PCDH15: variants seen among roughly 807,000 people sequenced by gnomAD.
PCDH15 encodes the protein protocadherin related 15, also known as protocadherin-15.
In PCDH15, 129 loss-of-function variants were observed where a neutral mutation model predicts 178.5. The observed-to-expected ratio is 0.72, with a 90% CI of 0.63 to 0.84. The LOEUF (loss-of-function observed/expected upper bound fraction) is 0.84. Among genes scored for constraint, PCDH15 ranks in the 40% least tolerant of loss-of-function variants. The pLI is 0.00. For synonymous variants in PCDH15, 800 were observed against 732.0 expected, an observed-to-expected ratio of 1.09 and a Z score of -1.50; for missense variants, 2,230 against 2,099.9, an observed-to-expected ratio of 1.06 and a Z score of -1.21.
At chr10:54,643,957 A>C (rs2094058591) in intron 2 of PCDH15, among the ~76,000 whole-genome samples, 1 of 120,278 alleles carries the variant, frequency 8.3e-6, no homozygotes, top group African/African-American at 3.1e-5. Flanking sequence ...TCCTAATGCT[A>C]ACCCTCCCCC....
chr10:55,159,637 T>A (rs1839006620), intron 2 of PCDH15, among the ~76,000 whole-genome samples: 1 of 147,820 alleles, frequency 6.8e-6, no homozygotes. Context: ...CTTAAAGAGA[T>A]ATATATAAAG....
In PCDH15 at chr10:55,527,374, A is replaced by T. The variant is rs545710082; in HGVS notation, c.-156+100251T>A. The stretch of plus-strand genomic sequence containing the variant: ...TGGTGGGTCACTGGTGATCTTGTAG[A>T]TTGAGCTTCATCTTCATATAGCATT... On this transcript the variant is annotated intron_variant, in intron 2 of 5. Transcript: ENST00000613346. Among the ~76,000 whole-genome samples, 9 of 152,114 alleles carry T rather than the reference A, an allele frequency of 5.9e-5. No homozygotes were observed. In the East Asian group the frequency reaches 9.7e-4, roughly 16 times the overall value.
chr10:55,473,124 G>A (rs1463297925), intron 2 of PCDH15, among the ~76,000 whole-genome samples: 7 of 152,094 alleles, frequency 4.6e-5, no homozygotes, highest in Non-Finnish European at 7.4e-5. Context: ...AAACTTAACA[G>A]TTGAGGACTG....
At chr10:54,711,879 A>C (rs2095431038) in intron 1 of PCDH15, among the ~76,000 whole-genome samples, 2 of 152,066 alleles carry the variant, frequency 1.3e-5, no homozygotes. Flanking sequence ...ACCATTTTGC[A>C]ATGTATAATA....
At chr10:54,152,720 G>A (rs920283122) in intron 14 of PCDH15, among the ~76,000 whole-genome samples, 1 of 151,880 alleles carries the variant, frequency 6.6e-6, no homozygotes, top group Non-Finnish European at 1.5e-5. Flanking sequence ...GTGCGAGTCT[G>A]TGTGTGTATA....
intron 3 of PCDH15, among the ~76,000 whole-genome samples, chr10:54,856,983 C>A (rs951149412): frequency 6.6e-6 from 1 of 151,936 alleles, no homozygotes; most frequent in South Asian, 2.1e-4. Context: ...TGAATATTTC[C>A]TTCTTATCCT....
At chr10:55,297,657 T>C (rs1263447360) in intron 1 of PCDH15, among the ~76,000 whole-genome samples, 2 of 152,090 alleles carry the variant, frequency 1.3e-5, no homozygotes, top group African/African-American at 2.4e-5. Context: ...TTAATTCATA[T>C]GTATGAATGA....
Position 54,153,091 on chromosome 10 carries a change from A to G in PCDH15, c.1784+9T>C, listed in dbSNP as rs2044704583. 6.2e-7 allele frequency: 1 copy of G among 1,613,664 alleles called. No individual in the cohort carries two copies. Among genetic ancestry groups the G allele is most frequent in the Non-Finnish European group, 8.5e-7 (1 of 1,179,746 alleles). ...ATGAAAAGACTGCATTGGTTCTAAT[A>G]TAAATTACCTTCGCTCTGCAGGAGG... On this transcript the variant is annotated intron_variant, in intron 14 of 37. Coordinates refer to ENST00000644397, the MANE Select transcript of PCDH15 (RefSeq NM_001384140.1).
chr10:54,815,833 C>T (rs139700588), intron 3 of PCDH15, among the ~76,000 whole-genome samples: 134 of 152,186 alleles, frequency 8.8e-4, no homozygotes, highest in African/African-American at 2.4e-3. Flanking sequence ...CAGTACACTA[C>T]TCTAAATGTA....
intron 2 of PCDH15, among the ~76,000 whole-genome samples, chr10:55,080,986 T>A (rs1591887403): frequency 6.6e-6 from 1 of 152,146 alleles, no homozygotes; most frequent in East Asian, 1.9e-4. Flanking sequence ...GTGCTGCTGC[T>A]GCTGGGGGTG....
chr10:54,809,186 TG>T (rs761457791), intron 3 of PCDH15, among the ~76,000 whole-genome samples: 7 of 152,170 alleles, frequency 4.6e-5, no homozygotes, highest in Non-Finnish European at 8.8e-5. Context: ...ATTCTAAAAT[TG>T]CCATTGATTC....
intron 1 of PCDH15, among the ~76,000 whole-genome samples, chr10:55,223,477 T>C (rs1188195373): frequency 6.6e-6 from 1 of 152,146 alleles, no homozygotes; most frequent in East Asian, 1.9e-4. Flanking sequence ...CCAATGCCTA[T>C]GACTATATTG....
chr10:54,278,970 T>G (rs1389137384), intron 8 of PCDH15, among the ~76,000 whole-genome samples: 1 of 151,562 alleles, frequency 6.6e-6, no homozygotes, highest in Admixed American at 6.6e-5. Flanking sequence ...TACATGATAT[T>G]ATACAATAAA....
intron 1 of PCDH15, among the ~76,000 whole-genome samples, chr10:54,735,960 T>C (rs1316077634): frequency 1.3e-5 from 2 of 148,164 alleles, no homozygotes; most frequent in African/African-American, 5.0e-5. Context: ...GGCACATGTA[T>C]ACATATGTAA....
At chr10:55,070,547 A>C (rs900272889) in intron 2 of PCDH15, among the ~76,000 whole-genome samples, 1 of 152,140 alleles carries the variant, frequency 6.6e-6, no homozygotes, top group African/African-American at 2.4e-5. Flanking sequence ...TCCTTTCCCC[A>C]TTGCTTGTTT....
chr10:54,435,834 G>A (rs2075343131), intron 3 of PCDH15, among the ~76,000 whole-genome samples: 1 of 151,972 alleles, frequency 6.6e-6, no homozygotes, highest in Non-Finnish European at 1.5e-5. Flanking sequence ...GCCGGTCGTG[G>A]TGGCGGGCGC....
chr10:55,019,882 A>G (rs1840279533), intron 2 of PCDH15, among the ~76,000 whole-genome samples: 1 of 151,846 alleles, frequency 6.6e-6, no homozygotes, highest in Non-Finnish European at 1.5e-5. Context: ...AGATATTAAG[A>G]ATAAAAAAAA....
chr10:55,214,791 C>T (rs937851903), intron 1 of PCDH15, among the ~76,000 whole-genome samples: 12 of 151,830 alleles, frequency 7.9e-5, no homozygotes, highest in Non-Finnish European at 1.5e-4. Flanking sequence ...ATGTTGTACC[C>T]TGTTTAACCA....
At chr10:54,214,140 A>G (rs1214663812) in intron 9 of PCDH15, 92 bp from the exon 10 acceptor site, 9 of 735,300 alleles carry the variant, frequency 1.2e-5, no homozygotes. Flanking sequence ...CTGAGGAACA[A>G]AGCTACAATT....
Sources: gnomAD v4.1 joint callset for allele counts (sites outside exome capture counted in the v4.1 genomes callset) on GRCh38, gnomAD v4.1.1 for gene constraint, MANE v1.5 for transcripts, NCBI Gene and HGNC (gene_info 2026-07-23, HGNC 2026-07-21) for gene names.